Variants in RGS17 observed in about 807,000 individuals in gnomAD.
RGS17 encodes regulator of G-protein signaling 17.
In RGS17, 12 loss-of-function variants were observed where a neutral mutation model predicts 25.5. That is an observed-to-expected ratio of 0.47 (90% confidence interval 0.30 to 0.76). RGS17 has a LOEUF of 0.76. RGS17 is among the 30% of genes least tolerant of loss of function. The pLI is 0.07. For missense variants in RGS17, 196 were observed against 242.2 expected (o/e 0.81, Z 1.27); for synonymous variants, 71 against 76.9 (o/e 0.92, Z 0.40).
chr6:153,108,804 T>A (rs1331540013), intron 1 of RGS17, among the ~76,000 whole-genome samples: 3 of 150,790 alleles, frequency 2.0e-5, no homozygotes, highest in Admixed American at 2.0e-4. Context: ...AATGCAAGAG[T>A]GTGCATGTGT....
chr6:153,101,861 A>T (rs369210305), intron 1 of RGS17, among the ~76,000 whole-genome samples: 1 of 152,156 alleles, frequency 6.6e-6, no homozygotes. Context: ...TGCCATGATT[A>T]TAAGTTTTCC....
chr6:153,125,799 T>A (rs1777696745), intron 1 of RGS17, among the ~76,000 whole-genome samples: 1 of 152,168 alleles, frequency 6.6e-6, no homozygotes, highest in South Asian at 2.1e-4. Context: ...GAGCCATGAC[T>A]GAGCCACTGC....
chr6:153,125,494 G>A (rs1777691505), intron 1 of RGS17, among the ~76,000 whole-genome samples: 2 of 152,214 alleles, frequency 1.3e-5, no homozygotes, highest in Non-Finnish European at 2.9e-5. Flanking sequence ...TTCTCCTATA[G>A]GGACCTCCCA....
rs1466701412 is a variant in RGS17 at position 153,006,092 on chromosome 6, C to T, written c.*5482G>A. The T allele has an allele frequency of 1.3e-5, 2 of 152,142 alleles. No individual in the cohort carries two copies. Among genetic ancestry groups the T allele is most frequent in the Non-Finnish European group, 2.9e-5 (2 of 68,010 alleles). The allele number at this position is 152,142 out of a possible 1,614,324, so 9.4% of individuals were successfully genotyped here. The stretch of plus-strand genomic sequence containing the variant: ...TCTGGAACTCCTGGGCTCAAGTGAT[C>T]CTCACGCCTTAGTCTCCCAAAGTGC... On this transcript the variant is annotated 3_prime_UTR_variant, in exon 5 of 5. Coordinates refer to ENST00000206262, the MANE Select transcript of RGS17 (RefSeq NM_012419.5).
intron 2 of RGS17, among the ~76,000 whole-genome samples, chr6:153,033,408 A>G (rs922254652): frequency 1.1e-4 from 17 of 152,276 alleles, no homozygotes; most frequent in African/African-American, 4.1e-4. Context: ...GTCTGAATAC[A>G]AAGATATACT....
At chr6:153,094,437 A>G (rs1349294770) in intron 1 of RGS17, among the ~76,000 whole-genome samples, 1 of 152,134 alleles carries the variant, frequency 6.6e-6, no homozygotes, top group Non-Finnish European at 1.5e-5. Flanking sequence ...ATATCATAAT[A>G]ATGTTGATAA....
intron 1 of RGS17, among the ~76,000 whole-genome samples, chr6:153,055,121 G>C (rs187522243): frequency 6.6e-6 from 1 of 152,254 alleles, no homozygotes; most frequent in Admixed American, 6.5e-5. Context: ...CCCTGAACGT[G>C]GTAAGTAAGC....
At chr6:153,030,384 T>C (rs1479048504) in intron 2 of RGS17, among the ~76,000 whole-genome samples, 1 of 152,156 alleles carries the variant, frequency 6.6e-6, no homozygotes, top group Non-Finnish European at 1.5e-5. Context: ...GCAAAGAAGA[T>C]AAAACTTACC....
At position 153,009,314 on chromosome 6, in the gene RGS17, CAT is replaced by C. The variant is rs1349492670; in HGVS notation, c.*2258_*2259del. The stretch of plus-strand genomic sequence containing the variant: ...CACAGTATATTACATATTTTCTAGT[CAT>C]GTGCACCAATTTGTTGAGCCTCACA... On this transcript the variant is annotated 3_prime_UTR_variant, in exon 5 of 5. Coordinates refer to ENST00000206262, the MANE Select transcript of RGS17 (RefSeq NM_012419.5). 2.6e-5 allele frequency: 4 copies of C among 152,020 alleles called. No homozygotes were observed. Among genetic ancestry groups the C allele is most frequent in the Non-Finnish European group, 5.9e-5 (4 of 67,918 alleles). 9.4% of individuals were successfully genotyped at this position (152,020 alleles called of 1,614,324 possible).
intron 1 of RGS17, among the ~76,000 whole-genome samples, chr6:153,096,746 G>C (rs976507000): frequency 2.0e-5 from 3 of 152,158 alleles, no homozygotes; most frequent in African/African-American, 7.2e-5. Flanking sequence ...ATGAATAATA[G>C]GGTCATAGAA....
intron 1 of RGS17, among the ~76,000 whole-genome samples, chr6:153,101,147 T>C (rs956912008): frequency 6.6e-6 from 1 of 152,230 alleles, no homozygotes; most frequent in Non-Finnish European, 1.5e-5. Context: ...AGCAACGGAA[T>C]AAAAATTTGA....
At chr6:153,112,265 C>T (rs191179328) in intron 1 of RGS17, among the ~76,000 whole-genome samples, 251 of 152,182 alleles carry the variant, frequency 1.6e-3, no homozygotes, top group Non-Finnish European at 1.9e-3. Context: ...AACATGAGAA[C>T]ATTGTGAAGC....
At chr6:153,012,798 C>T (rs574849390) in intron 4 of RGS17, among the ~76,000 whole-genome samples, 1 of 152,312 alleles carries the variant, frequency 6.6e-6, no homozygotes, top group South Asian at 2.1e-4. Context: ...TTGTCATAAG[C>T]ATTCTGCAAA....
At chr6:153,082,615 C>T (rs1373213873) in intron 1 of RGS17, among the ~76,000 whole-genome samples, 1 of 152,136 alleles carries the variant, frequency 6.6e-6, no homozygotes, top group East Asian at 1.9e-4. Flanking sequence ...ATTGTTATAA[C>T]TGCTATGCTA....
chr6:153,072,552 A>G (rs1177146501), intron 1 of RGS17, among the ~76,000 whole-genome samples: 6 of 152,202 alleles, frequency 3.9e-5, no homozygotes, highest in African/African-American at 1.4e-4. Context: ...ATCCCTGCAC[A>G]TTTAAATTTA....
chr6:153,036,165 A>C (rs991768572), intron 2 of RGS17, among the ~76,000 whole-genome samples: 1 of 151,954 alleles, frequency 6.6e-6, no homozygotes, highest in Non-Finnish European at 1.5e-5. Flanking sequence ...CCATCCTCCT[A>C]CAACACTCTC....
At chr6:153,036,240 AT>A (rs548690879) in intron 2 of RGS17, among the ~76,000 whole-genome samples, 91 of 152,114 alleles carry the variant, frequency 6.0e-4, no homozygotes, top group Non-Finnish European at 1.2e-3. Context: ...TTTTGTAGAG[AT>A]GGGGACTCAC....
At chr6:153,031,783 A>T (rs984892154) in intron 2 of RGS17, among the ~76,000 whole-genome samples, 6 of 152,188 alleles carry the variant, frequency 3.9e-5, no homozygotes, top group Admixed American at 1.3e-4. Flanking sequence ...CTCTCTAAGT[A>T]TCATCCCACA....
At chr6:153,027,755 A>C (rs1779318228) in intron 2 of RGS17, among the ~76,000 whole-genome samples, 1 of 152,170 alleles carries the variant, frequency 6.6e-6, no homozygotes, top group African/African-American at 2.4e-5. Flanking sequence ...CCTGTTCAAC[A>C]ACCCTGTATT....
Sources: gnomAD v4.1 joint callset for allele counts (sites outside exome capture counted in the v4.1 genomes callset) on GRCh38, gnomAD v4.1.1 for gene constraint, MANE v1.5 for transcripts, NCBI Gene and HGNC (gene_info 2026-07-23, HGNC 2026-07-21) for gene names.